Variants in OLAH observed in about 807,000 individuals in gnomAD.
The protein encoded by OLAH is S-acyl fatty acid synthase thioesterase, medium chain.
Under a neutral mutation model 27.8 loss-of-function variants are expected in OLAH, and 33 were observed. That is an observed-to-expected ratio of 1.19 (90% CI 0.90 to 1.59). OLAH has a LOEUF of 1.59. OLAH is among the 40% of genes most tolerant of loss of function. The pLI, the probability that OLAH is intolerant of heterozygous loss-of-function variation, is 0.00. For missense variants in OLAH, 359 were observed against 310.8 expected (o/e 1.16, Z -1.17); for synonymous variants, 120 against 102.9 (o/e 1.17, Z -1.01).
At chr10:15,049,598 A>G (rs1844091841) in intron 2 of OLAH, 37 bp from the exon 3 acceptor site, 1 of 1,362,642 alleles carries the variant, frequency 7.3e-7, no homozygotes, top group Non-Finnish European at 1.0e-6. Flanking sequence ...CTTAATTGAT[A>G]TACATAATGT....
intron 4 of OLAH, among the ~76,000 whole-genome samples, chr10:15,062,906 T>C (rs1245437636): frequency 6.6e-6 from 1 of 151,916 alleles, no homozygotes; most frequent in Non-Finnish European, 1.5e-5. Context: ...ACCTGGCTAA[T>C]TTTTATATTT....
intron 3 of OLAH, among the ~76,000 whole-genome samples, chr10:15,061,301 C>A (rs139401573): frequency 1.3e-5 from 2 of 152,192 alleles, no homozygotes; most frequent in East Asian, 3.9e-4. Flanking sequence ...TTTAGGGTTT[C>A]TTAGCTTTGT....
chr10:15,062,336 T>C (rs1564532962), intron 4 of OLAH, among the ~76,000 whole-genome samples: 2 of 152,092 alleles, frequency 1.3e-5, no homozygotes, highest in Non-Finnish European at 2.9e-5. Flanking sequence ...AATAAATTGG[T>C]ATATAGTAAG....
chr10:15,057,318 A>G (rs1379726021), intron 3 of OLAH, among the ~76,000 whole-genome samples: 1 of 151,496 alleles, frequency 6.6e-6, no homozygotes, highest in Non-Finnish European at 1.5e-5. Flanking sequence ...TGAGAGGTCT[A>G]TACATTCCCC....
intron 7 of OLAH, among the ~76,000 whole-genome samples, chr10:15,072,320 T>C (rs1489173791): frequency 6.6e-6 from 1 of 152,168 alleles, no homozygotes. Flanking sequence ...TGTCAACTAG[T>C]AGTTACTGCA....
At chr10:15,050,048 ATTGTTTCCAAT>A (rs1844103518) in intron 3 of OLAH, among the ~76,000 whole-genome samples, 1 of 152,144 alleles carries the variant, frequency 6.6e-6, no homozygotes, top group South Asian at 2.1e-4. Context: ...CCATCTTGCA[ATTGTTTCCAAT>A]TTGTCCCATG....
intron 5 of OLAH, 193 bp from the exon 6 acceptor site, chr10:15,065,391 G>C (rs1844447011): frequency 4.0e-6 from 2 of 500,708 alleles, no homozygotes; most frequent in South Asian, 8.3e-5. Flanking sequence ...GCATTATGAT[G>C]CTGTAGTTAT....
chr10:15,054,872 T>C (rs1844216616), intron 3 of OLAH, among the ~76,000 whole-genome samples: 1 of 152,234 alleles, frequency 6.6e-6, no homozygotes, highest in Non-Finnish European at 1.5e-5. Flanking sequence ...ATTTCTGAGT[T>C]ATAGTGTTCT....
At chr10:15,059,000 T>TCTCCTTCCCTCTCTCCTTCC (rs1844304192) in intron 3 of OLAH, among the ~76,000 whole-genome samples, 1 of 90,004 alleles carries the variant, frequency 1.1e-5, no homozygotes, top group South Asian at 4.9e-4. Context: ...TCCTTCCCTC[T>TCTCCTTCCCTCTCTCCTTCC]CTCCTTCCCT....
At chr10:15,058,946 CCCTTCCCTCCCT>C (rs1160517697) in intron 3 of OLAH, among the ~76,000 whole-genome samples, 1 of 123,448 alleles carries the variant, frequency 8.1e-6, no homozygotes, top group Non-Finnish European at 1.8e-5. Context: ...CTCTCTCCTT[CCCTTCCCTCCCT>C]CCTTCCCTCC....
chr10:15,050,580 C>G (rs559756677), intron 3 of OLAH, among the ~76,000 whole-genome samples: 1 of 129,658 alleles, frequency 7.7e-6, no homozygotes, highest in Non-Finnish European at 1.5e-5. Context: ...CTGGCTCTGT[C>G]GCCCAGGCTG....
intron 1 of OLAH, among the ~76,000 whole-genome samples, chr10:15,033,963 A>AGG (rs1843798089): frequency 6.6e-6 from 1 of 151,492 alleles, no homozygotes; most frequent in African/African-American, 2.4e-5. Context: ...AGGAAGGAAG[A>AGG]AGGAGGGGGA....
chr10:15,051,246 TC>T (rs1243722206), intron 3 of OLAH, among the ~76,000 whole-genome samples: 1 of 152,058 alleles, frequency 6.6e-6, no homozygotes, highest in African/African-American at 2.4e-5. Flanking sequence ...CAGCTAATTT[TC>T]GTATTTTTAG....
intron 1 of OLAH, among the ~76,000 whole-genome samples, chr10:15,036,939 C>T (rs1221785961): frequency 4.0e-5 from 6 of 151,874 alleles, no homozygotes; most frequent in Non-Finnish European, 8.8e-5. Context: ...ATTAGCCAAG[C>T]ATGGTGGTGC....
intron 3 of OLAH, among the ~76,000 whole-genome samples, chr10:15,051,760 G>A (rs757231196): frequency 1.3e-5 from 2 of 151,444 alleles, no homozygotes; most frequent in Non-Finnish European, 1.5e-5. Context: ...ACCGCCAGTC[G>A]TTTTGCCAAA....
intron 1 of OLAH, among the ~76,000 whole-genome samples, chr10:15,034,118 T>G (rs560407992): frequency 1.8e-4 from 11 of 61,302 alleles, no homozygotes; most frequent in African/African-American, 5.0e-4. Flanking sequence ...TTTTTTTCTT[T>G]TTTTTTTTTT....
At chr10:15,034,321 C>T (rs896174355) in intron 1 of OLAH, among the ~76,000 whole-genome samples, 4 of 151,836 alleles carry the variant, frequency 2.6e-5, no homozygotes, top group East Asian at 1.9e-4. Flanking sequence ...TTAGTAGAGA[C>T]GGGGTTTCGC....
chr10:15,066,789 C>T (rs537402915), intron 6 of OLAH, among the ~76,000 whole-genome samples: 65 of 152,064 alleles, frequency 4.3e-4, no homozygotes, highest in Non-Finnish European at 7.9e-4. Flanking sequence ...TACAGGCACC[C>T]GCCACCACAC....
At chr10:15,043,931 C>T (rs1380637589), upstream of OLAH, 2 of 152,150 alleles carry the variant, frequency 1.3e-5, no homozygotes, top group Non-Finnish European at 2.9e-5. Flanking sequence ...CTTTGGCAAT[C>T]CAAAGAAAGT....
Sources: gnomAD v4.1 joint callset for allele counts (sites outside exome capture counted in the v4.1 genomes callset) on GRCh38, gnomAD v4.1.1 for gene constraint, MANE v1.5 for transcripts, NCBI Gene and HGNC (gene_info 2026-07-23, HGNC 2026-07-21) for gene names.